The following EVA1A variants were observed in gnomAD, a reference collection of about 807,000 sequenced individuals.
The protein encoded by EVA1A is protein eva-1 homolog A.
EVA1A carries 7 observed loss-of-function variants against 9.8 expected under a neutral mutation model. The observed-to-expected ratio is 0.71, with a 90% CI of 0.41 to 1.34. The LOEUF (loss-of-function observed/expected upper bound fraction) is 1.34, where lower values mean the gene tolerates loss of function less well. EVA1A is among the 40% of genes most tolerant of loss of function. EVA1A has a pLI of 0.01. For missense variants in EVA1A, 206 were observed against 205.9 expected (o/e 1.00, Z 0.00); for synonymous variants, 90 against 85.6 (o/e 1.05, Z -0.28).
At chr2:75,556,455 A>G (rs1166525490) in intron 1 of EVA1A, among the ~76,000 whole-genome samples, 2 of 152,168 alleles carry the variant, frequency 1.3e-5, no homozygotes, top group South Asian at 4.1e-4. Context: ...ACCCTGGGCT[A>G]GTTTATCTTC....
At chr2:75,540,741 C>A (rs1381966645) in intron 1 of EVA1A, 1 of 152,044 alleles carries the variant, frequency 6.6e-6, no homozygotes, top group Admixed American at 6.5e-5. Flanking sequence ...TTCTGCAGTC[C>A]CCAAACTACA....
intron 3 of EVA1A, among the ~76,000 whole-genome samples, chr2:75,511,299 A>G (rs1184648148): frequency 2.0e-5 from 3 of 152,218 alleles, no homozygotes; most frequent in African/African-American, 7.2e-5. Context: ...CTTACTCTAC[A>G]ACAGCACTTG....
intron 1 of EVA1A, among the ~76,000 whole-genome samples, chr2:75,526,578 T>A (rs1675446965): frequency 6.6e-6 from 1 of 152,204 alleles, no homozygotes; most frequent in Non-Finnish European, 1.5e-5. Flanking sequence ...AGTTGGAATT[T>A]AAACTTAGTC....
chr2:75,539,161 G>C (rs962013256), intron 1 of EVA1A, among the ~76,000 whole-genome samples: 4 of 152,156 alleles, frequency 2.6e-5, no homozygotes, highest in Non-Finnish European at 5.9e-5. Context: ...TGATCTAAAA[G>C]TTCAACCAGG....
chr2:75,543,016 C>T (rs1408688967), intron 1 of EVA1A, among the ~76,000 whole-genome samples: 2 of 152,056 alleles, frequency 1.3e-5, no homozygotes, highest in Non-Finnish European at 2.9e-5. Flanking sequence ...TGCAAGTATC[C>T]ACTGGAAAAT....
At chr2:75,555,676 G>A (rs555791909) in intron 1 of EVA1A, among the ~76,000 whole-genome samples, 1 of 152,074 alleles carries the variant, frequency 6.6e-6, no homozygotes, top group African/African-American at 2.4e-5. Context: ...CAGCACACCT[G>A]AGCTTTAAAT....
chr2:75,536,375 C>G (rs1675898190), intron 1 of EVA1A, among the ~76,000 whole-genome samples: 1 of 151,788 alleles, frequency 6.6e-6, no homozygotes, highest in African/African-American at 2.4e-5. Context: ...CCAAATAAAA[C>G]AAAGCACAAA....
chr2:75,569,040 T>C (rs1414712139), intron 1 of EVA1A, among the ~76,000 whole-genome samples: 1 of 152,234 alleles, frequency 6.6e-6, no homozygotes, highest in Non-Finnish European at 1.5e-5. Context: ...TTTAGAACTT[T>C]AAAGAATCTC....
At chr2:75,549,010 T>A (rs11126475) in intron 1 of EVA1A, among the ~76,000 whole-genome samples, 11,611 of 55,890 alleles carry the variant, frequency 0.21, 476 homozygotes, top group East Asian at 0.35. Flanking sequence ...ATATATATAT[T>A]TTTTTTTTTT....
intron 2 of EVA1A, among the ~76,000 whole-genome samples, chr2:75,519,719 C>T (rs1675168850): frequency 6.6e-6 from 1 of 152,178 alleles, no homozygotes; most frequent in Non-Finnish European, 1.5e-5. Context: ...AGAGGCTGTT[C>T]TACAGATCTG....
chr2:75,550,258 C>G (rs531182027), intron 1 of EVA1A, among the ~76,000 whole-genome samples: 7 of 152,286 alleles, frequency 4.6e-5, no homozygotes, highest in African/African-American at 1.7e-4. Flanking sequence ...TTATAATGGA[C>G]CTTTCATTTC....
chr2:75,567,149 T>A (rs11696067), intron 1 of EVA1A, among the ~76,000 whole-genome samples: 19,597 of 152,242 alleles, frequency 0.13, 1,560 homozygotes, highest in Non-Finnish European at 0.19. Flanking sequence ...GTCAATAAGA[T>A]AAATATTTTT....
chr2:75,500,649 C>T (rs528227079), intron 3 of EVA1A, among the ~76,000 whole-genome samples: 1 of 152,194 alleles, frequency 6.6e-6, no homozygotes, highest in African/African-American at 2.4e-5. Flanking sequence ...TACCTCACAT[C>T]GATCTCATTC....
chr2:75,498,931 G>A (rs1348372219), intron 3 of EVA1A, among the ~76,000 whole-genome samples: 1 of 151,912 alleles, frequency 6.6e-6, no homozygotes, highest in Non-Finnish European at 1.5e-5. Context: ...TTTCCCAGAG[G>A]AAATAATGAC....
chr2:75,530,685 T>C (rs542811588), intron 1 of EVA1A, among the ~76,000 whole-genome samples: 1 of 151,886 alleles, frequency 6.6e-6, no homozygotes, highest in South Asian at 2.1e-4. Flanking sequence ...AGAAAAAAAA[T>C]TTGACAAAAT....
chr2:75,494,894 G>A (rs1367409405), intron 3 of EVA1A, among the ~76,000 whole-genome samples: 1 of 152,212 alleles, frequency 6.6e-6, no homozygotes, highest in African/African-American at 2.4e-5. Context: ...TTTCCTTGGT[G>A]AGAGAAGATA....
At chr2:75,511,542 G>A (rs1186469335) in intron 3 of EVA1A, among the ~76,000 whole-genome samples, 1 of 152,116 alleles carries the variant, frequency 6.6e-6, no homozygotes, top group East Asian at 1.9e-4. Flanking sequence ...CAGTATGCAT[G>A]GTGTGCTACC....
chr2:75,508,560 G>A (rs893534245), intron 3 of EVA1A, among the ~76,000 whole-genome samples: 4 of 152,074 alleles, frequency 2.6e-5, no homozygotes, highest in Admixed American at 6.5e-5. Context: ...AATGGTACCC[G>A]AAACTTCATT....
chr2:75,505,416 A>G (rs948651346), intron 3 of EVA1A, among the ~76,000 whole-genome samples: 1 of 152,232 alleles, frequency 6.6e-6, no homozygotes, highest in Non-Finnish European at 1.5e-5. Flanking sequence ...CTCATGGTGC[A>G]TATCTCACAA....
Sources: allele counts gnomAD v4.1 joint callset (sites outside exome capture counted in the v4.1 genomes callset), GRCh38; gene constraint gnomAD v4.1.1; transcripts MANE v1.5; gene names NCBI Gene and HGNC (gene_info 2026-07-23, HGNC 2026-07-21).